Variants in SCN2A observed in about 807,000 individuals in gnomAD.
The protein encoded by SCN2A is sodium channel protein type 2 subunit alpha.
Under a neutral mutation model 188.7 loss-of-function variants are expected in SCN2A, and 20 were observed. The ratio of observed to expected loss-of-function variants is 0.11; its 90% CI spans 0.07 to 0.15. SCN2A has a LOEUF of 0.15. Ranked by LOEUF, SCN2A falls within the 10% of genes least tolerant of loss-of-function variation. SCN2A has a pLI of 1.00. For synonymous variants in SCN2A, 804 were observed against 833.1 expected, an observed-to-expected ratio of 0.97 and a Z score of 0.60; for missense variants, 1,278 against 2,445.0, an observed-to-expected ratio of 0.52 and a Z score of 10.07.
At position 165,334,833 on chromosome 2, in the gene SCN2A, C is replaced by T. The variant is rs547088216; in HGVS notation, c.2388+3265C>T. ...GAACACAAGAAGTAAATTCTATTAACGAATACATAATCTTGTATTTAGAAA... is the reference window on the plus strand; with the variant it reads ...GAACACAAGAAGTAAATTCTATTAATGAATACATAATCTTGTATTTAGAAA... On this transcript the variant is annotated intron_variant, in intron 14 of 26. Transcript: ENST00000375437. Among the ~76,000 whole-genome samples, 94 of 151,000 alleles carry T rather than the reference C, an allele frequency of 6.2e-4. No homozygotes were observed. The South Asian group carries it at 0.014, about 22-fold the overall frequency.
In SCN2A at chr2:165,374,903, G is replaced by A. The variant is rs768253580; in HGVS notation, c.4191G>A (p.Arg1397=). The A allele has an allele frequency of 1.9e-6, 3 of 1,613,474 alleles. No individual in the cohort carries two copies. Among genetic ancestry groups the A allele is most frequent in the East Asian group, 2.2e-5 (1 of 44,850 alleles). The change falls in exon 22 of 27, where the codon AGG becomes AGA. Residue 1397 remains arginine, a synonymous_variant. Coordinates refer to ENST00000375437, the MANE Select transcript of SCN2A (RefSeq NM_001040142.2). The part of the protein sequence containing the change: ...KALIESNQTA[R]WKNVKVNFDN... ...TCATTGAGAGCAATCAAACTGCCAG[G>A]TGGAAAAATGTGAAAGTAAACTTTG...
At chr2:165,372,354 TA>T (rs1468557291) in intron 20 of SCN2A, 1 of 152,104 alleles carries the variant, frequency 6.6e-6, no homozygotes, top group African/African-American at 2.4e-5. Context: ...TTATTTTCCT[TA>T]AAAAATATAT....
At chr2:165,369,149 G>A (rs973132443) in intron 19 of SCN2A, among the ~76,000 whole-genome samples, 1 of 152,068 alleles carries the variant, frequency 6.6e-6, no homozygotes, top group African/African-American at 2.4e-5. Context: ...GGCTGGTCTC[G>A]AACTCCTGGC....
intron 14 of SCN2A, among the ~76,000 whole-genome samples, chr2:165,338,314 C>T (rs1364872453): frequency 6.9e-6 from 1 of 144,226 alleles, no homozygotes; most frequent in Non-Finnish European, 1.5e-5. Context: ...GGCTGGAGTG[C>T]AGTGGTGCGA....
rs1559340369 is a variant in SCN2A, at chr2:165,291,496, T to TTTCTTTCTTTCTTTCCG, written c.-51-4262_-51-4261insCGTTCTTTCTTTCTTTC. Among the ~76,000 whole-genome samples, 38 of 26,066 alleles carry TTTCTTTCTTTCTTTCCG rather than the reference T, an allele frequency of 1.5e-3. 1 individual carries two copies. The highest frequency in any genetic ancestry group is 3.2e-3 in the Non-Finnish European group (36 of 11,190). The allele number at this position is 26,066 out of a possible 152,430, so 17.1% of individuals were successfully genotyped here. A position where few individuals can be genotyped will look rare whatever the true frequency, so the allele number is the denominator to read the frequency against. On this transcript the variant is annotated intron_variant, in intron 1 of 26. Coordinates refer to ENST00000375437, the MANE Select transcript of SCN2A (RefSeq NM_001040142.2). ...TTTCTTTCTTTCTTTCTTTCTTTTC[T>TTTCTTTCTTTCTTTCCG]TTCTTTCTTTCTTTCTTCCTCTCCT...
intron 1 of SCN2A, among the ~76,000 whole-genome samples, chr2:165,295,058 G>A (rs559734244): frequency 6.6e-6 from 1 of 152,232 alleles, no homozygotes; most frequent in Admixed American, 6.5e-5. Flanking sequence ...GCTAAGCCAG[G>A]GGGTCCGAGC....
intron 1 of SCN2A, among the ~76,000 whole-genome samples, chr2:165,291,512 T>TC: frequency 1.0e-5 from 1 of 99,374 alleles, no homozygotes; most frequent in African/African-American, 4.1e-5. Context: ...TCTTTCTTTC[T>TC]TCCTCTCCTT....
intron 3 of SCN2A, among the ~76,000 whole-genome samples, chr2:165,307,120 T>C (rs1441971253): frequency 2.6e-5 from 4 of 152,168 alleles, no homozygotes; most frequent in African/African-American, 7.2e-5. Context: ...AACTGTGTTC[T>C]GTATGATCCA....
At chr2:165,329,500 T>C (rs145269009) in intron 13 of SCN2A, among the ~76,000 whole-genome samples, 218 of 152,266 alleles carry the variant, frequency 1.4e-3, no homozygotes, top group African/African-American at 5.1e-3. Flanking sequence ...GAATGAATAA[T>C]TGAATGATTT....
intron 1 of SCN2A, among the ~76,000 whole-genome samples, chr2:165,263,593 G>C (rs1694703203): frequency 6.6e-6 from 1 of 151,982 alleles, no homozygotes; most frequent in Admixed American, 6.6e-5. Context: ...TGACTTTTAT[G>C]CCAGTACCTG....
chr2:165,252,175 A>G lies in SCN2A; in HGVS notation c.-52+12535A>G, dbSNP rs374486892. On this transcript the variant is annotated intron_variant, in intron 1 of 26. Transcript: ENST00000375437. ...AGTCAGGAAAACTTAGTTCACAGGTAATAAAACTAGACACAGATATCTAAA... is the reference window on the plus strand; with the variant it reads ...AGTCAGGAAAACTTAGTTCACAGGTGATAAAACTAGACACAGATATCTAAA... 2.0e-5 allele frequency among the ~76,000 whole-genome samples: 3 copies of G among 152,098 alleles called. No individual in the cohort carries two copies. In the South Asian group the frequency reaches 6.2e-4, roughly 31 times the overall value.
chr2:165,335,982 G>A (rs1179981962), intron 14 of SCN2A, among the ~76,000 whole-genome samples: 1 of 151,754 alleles, frequency 6.6e-6, no homozygotes, highest in Admixed American at 6.6e-5. Context: ...AGGCCAATAA[G>A]CACATAAAAG....
intron 17 of SCN2A, among the ~76,000 whole-genome samples, chr2:165,355,746 T>C (rs1202806713): frequency 2.6e-5 from 4 of 151,934 alleles, no homozygotes; most frequent in Non-Finnish European, 5.9e-5. Context: ...AGGGAAAATA[T>C]AGTTATAAAA....
intron 1 of SCN2A, among the ~76,000 whole-genome samples, chr2:165,278,872 G>A (rs575205027): frequency 3.9e-5 from 6 of 152,178 alleles, no homozygotes; most frequent in Non-Finnish European, 7.3e-5. Context: ...CAAGGTTGCA[G>A]TGAGTCTTTA....
At chr2:165,293,370 T>C (rs988458938) in intron 1 of SCN2A, among the ~76,000 whole-genome samples, 4 of 152,158 alleles carry the variant, frequency 2.6e-5, no homozygotes, top group African/African-American at 4.8e-5. Context: ...TTTTTGTCAT[T>C]GTGTGTACCT....
intron 16 of SCN2A, among the ~76,000 whole-genome samples, chr2:165,346,337 G>T (rs1699585678): frequency 6.6e-6 from 1 of 152,100 alleles, no homozygotes; most frequent in Non-Finnish European, 1.5e-5. Flanking sequence ...TCACTTTCAG[G>T]TACACCAATC....
At chr2:165,262,712 C>T (rs1040496722) in intron 1 of SCN2A, among the ~76,000 whole-genome samples, 8 of 152,006 alleles carry the variant, frequency 5.3e-5, no homozygotes, top group South Asian at 2.1e-4. Flanking sequence ...TATAAACATG[C>T]GTGTGCAATT....
chr2:165,379,658 AC>A (rs1701497147), intron 23 of SCN2A, among the ~76,000 whole-genome samples: 1 of 151,856 alleles, frequency 6.6e-6, no homozygotes, highest in African/African-American at 2.4e-5. Flanking sequence ...AAACTCACAT[AC>A]ACAAATAAAA....
rs771968887 is a variant in SCN2A at position 165,389,808 on chromosome 2, G to A, written c.6002G>A (p.Arg2001Lys). Residue 2001 changes from arginine to lysine, a missense_variant, in exon 27 of 27, where the codon AGG (arginine) becomes AAG (lysine). Physicochemically the swap from Arg to Lys is conservative, Grantham distance 26. This residue lies in a region of SCN2A where 109 missense variants were observed against 137.9 expected (regional missense o/e 0.79). Transcript: ENST00000375437. This position sits in a 1 kb window ranked among gnomAD's most constrained non-coding sequence, Gnocchi z 4.2. The part of the protein sequence containing the change: ...SEKEDKGKDI[R>K]ESKK ...AAGGAAGACAAAGGGAAAGATATCAGGGAAAGTAAAAAGTAAAAAGAAACC... is the reference window on the plus strand; with the variant it reads ...AAGGAAGACAAAGGGAAAGATATCAAGGAAAGTAAAAAGTAAAAAGAAACC... The A allele has an allele frequency of 3.1e-6, 5 of 1,610,454 alleles. No homozygotes were observed. In the Admixed American group the frequency reaches 6.7e-5, roughly 22 times the overall value.
Sources: gnomAD v4.1 joint callset for allele counts (sites outside exome capture counted in the v4.1 genomes callset) on GRCh38, gnomAD v4.1.1 for gene constraint, gnomAD v4.1.1 regional missense constraint, Gnocchi (gnomAD v3.1) non-coding constraint, MANE v1.5 for transcripts, NCBI Gene and HGNC (gene_info 2026-07-23, HGNC 2026-07-21) for gene names.